PRRC2A: variants seen among roughly 807,000 people sequenced by gnomAD.
PRRC2A encodes proline rich coiled-coil 2A.
A neutral mutation model predicts 224.6 loss-of-function variants in PRRC2A; 59 were observed. The observed-to-expected ratio is 0.26, with a 90% CI of 0.21 to 0.33. The LOEUF is 0.33. PRRC2A is among the 10% of genes least tolerant of loss of function. The pLI is 1.00. For synonymous variants in PRRC2A, 1,194 were observed against 1,109.5 expected (o/e 1.08, Z -1.51); for missense variants, 3,095 against 2,880.7 (o/e 1.07, Z -1.70).
chr6:31,630,933 G>A, intron 15 of PRRC2A, 132 bp downstream of exon 15: 1 of 1,304,256 alleles, frequency 7.7e-7, no homozygotes, highest in East Asian at 2.5e-5. Context: ...GCTCATGCCT[G>A]TAATCCCAGC....
chr6:31,633,006 A>G lies in PRRC2A; in HGVS notation c.4319+14A>G. ...CAAGAACCGAAGGTGGGTAGGAACA[A>G]ACAAATTTATTGTGGTTTAAAAATT... is the stretch of plus-strand genomic sequence containing the variant. On this transcript the variant is annotated intron_variant, in intron 16 of 30. Transcript: ENST00000376033. 2 of 1,518,928 alleles carry G rather than the reference A, an allele frequency of 1.3e-6. No homozygotes were observed. Among genetic ancestry groups the G allele is most frequent in the African/African-American group, 1.4e-5 (1 of 71,718 alleles). The allele number at this position is 1,518,928 out of a possible 1,614,324, so 94.1% of individuals were successfully genotyped here.
rs1775635138 is a variant in PRRC2A, at chr6:31,624,245, C to T, written c.291-16C>T. 3 of 1,610,896 alleles carry T rather than the reference C, an allele frequency of 1.9e-6. No individual in the cohort carries two copies. Among genetic ancestry groups the T allele is most frequent in the Non-Finnish European group, 2.5e-6 (3 of 1,178,080 alleles). ...GCATCTCAGGTGTGAATAACCTTCC[C>T]ATTCTGTCCCCTCAGTTCCGATGCC... is the stretch of plus-strand genomic sequence containing the variant. On this transcript the variant is annotated splice_polypyrimidine_tract_variant and intron_variant, in intron 3 of 30. Coordinates refer to ENST00000376033, the MANE Select transcript of PRRC2A (RefSeq NM_004638.4).
Position 31,626,809 on chromosome 6 carries a change from G to T in PRRC2A, c.1020G>T (p.Lys340Asn). Reference protein sequence around the residue: ...HEEVDYTEKLKFSDEEDGRDS... With the variant: ...HEEVDYTEKLNFSDEEDGRDS... Reference sequence around the variant, plus strand: ...AGGTTGACTACACTGAAAAGCTCAAGTTCAGCGATGAGGAAGATGGGCGAG... The same window carrying T: ...AGGTTGACTACACTGAAAAGCTCAATTTCAGCGATGAGGAAGATGGGCGAG... The change falls in exon 10 of 31, where the codon AAG becomes AAT. Residue 340 changes from lysine to asparagine, a missense_variant. Physicochemically the swap from Lys to Asn is moderately conservative, Grantham distance 94. Around this residue, in one of 8 missense-constraint regions of PRRC2A, gnomAD observed 11 missense variants for 30.0 expected, o/e 0.37. Transcript: ENST00000376033. 6.3e-7 allele frequency: 1 copy of T among 1,595,710 alleles called. No homozygotes were observed. Among genetic ancestry groups the T allele is most frequent in the Non-Finnish European group, 8.5e-7 (1 of 1,171,442 alleles).
At chr6:31,621,767 C>G (rs767142100) in intron 1 of PRRC2A, among the ~76,000 whole-genome samples, 1 of 152,188 alleles carries the variant, frequency 6.6e-6, no homozygotes, top group Non-Finnish European at 1.5e-5. Flanking sequence ...ACACTGTTCC[C>G]GTCCATAAAC....
chr6:31,626,256 A>G, intron 9 of PRRC2A, 94 bp downstream of exon 9: 1 of 1,434,248 alleles, frequency 7.0e-7, no homozygotes, highest in Non-Finnish European at 9.5e-7. Flanking sequence ...AAAGGCAGAC[A>G]TTGAAGTGTA....
intron 16 of PRRC2A, 45 bp downstream of exon 16, chr6:31,633,037 A>G: frequency 6.9e-7 from 1 of 1,457,272 alleles, no homozygotes; most frequent in Non-Finnish European, 9.0e-7. Flanking sequence ...AAATTGGAGG[A>G]GGGGGAAAAA....
chr6:31,632,838 C>T lies in PRRC2A; in HGVS notation c.4165C>T (p.Arg1389Trp), dbSNP rs755623460. 12 of 1,613,110 alleles carry T rather than the reference C, an allele frequency of 7.4e-6. No homozygotes were observed. The highest frequency in any genetic ancestry group is 3.3e-5 in the Admixed American group (2 of 60,016). ...GAGTAAACGGAGCTTCTCAAGTCAG[C>T]GGCCAGGCATGGAACGGCAGAATCG... is the stretch of plus-strand genomic sequence containing the variant. Reference protein sequence around the residue: ...DLSKRSFSSQRPGMERQNRRP... With the variant: ...DLSKRSFSSQWPGMERQNRRP... The change falls in exon 16 of 31, where the codon CGG becomes TGG. Residue 1389 changes from arginine to tryptophan, a missense_variant. Transcript: ENST00000376033.
rs773753513 is a variant in PRRC2A, at chr6:31,634,960, C to G, written c.5143C>G (p.His1715Asp). The change falls in exon 21 of 31, where the codon CAC (histidine) becomes GAC (aspartate). Residue 1715 changes from histidine to aspartate, a missense_variant. By Grantham distance (81) the His-to-Asp change is moderately conservative (BLOSUM62 -1). Around this residue, in one of 8 missense-constraint regions of PRRC2A, gnomAD observed 662 missense variants for 609.5 expected, o/e 1.09. Transcript: ENST00000376033. The part of the protein sequence containing the change: ...EPPRRPPPAP[H>D]DGDRKELPRE... The stretch of plus-strand genomic sequence containing the variant: ...TCCTAGGAGACCACCACCTGCCCCC[C>G]ACGATGGGGACAGAAAGGTAAAAGA... The G allele has an allele frequency of 1.2e-6, 2 of 1,612,674 alleles. No homozygotes were observed. Among genetic ancestry groups the G allele is most frequent in the South Asian group, 1.1e-5 (1 of 91,074 alleles).
Position 31,629,275 on chromosome 6 carries a change from G to T in PRRC2A, c.1897G>T (p.Gly633Cys). 6.3e-7 allele frequency: 1 copy of T among 1,597,358 alleles called. No homozygotes were observed. Among genetic ancestry groups the T allele is most frequent in the Non-Finnish European group, 8.5e-7 (1 of 1,172,902 alleles). The change falls in exon 13 of 31, where the codon GGC becomes TGC. Residue 633 changes from glycine (G) to cysteine (C), a missense_variant. Physicochemically the swap from Gly to Cys is radical, Grantham distance 159. Around this residue, in one of 8 missense-constraint regions of PRRC2A, gnomAD observed 2,001 missense variants for 1,764.9 expected, o/e 1.13. Coordinates refer to ENST00000376033, the MANE Select transcript of PRRC2A (RefSeq NM_004638.4). ...IGPTRQPPSQ[G>C]LGYPKYQKSL... ...TCCCACCCGCCAGCCCCCTAGTCAG[G>T]GCTTGGGCTACCCCAAATATCAGAA...
In PRRC2A at chr6:31,637,607, A is replaced by AC; in HGVS notation, c.*26dup. ...GCTGAGGGAGTTCCTCTTGCCCCCTACCCCCGGGGCTTGTATATAGATTAT... is the reference window on the plus strand; with the variant it reads ...GCTGAGGGAGTTCCTCTTGCCCCCTACCCCCCGGGGCTTGTATATAGATTAT... On this transcript the variant is annotated 3_prime_UTR_variant, in exon 31 of 31. Coordinates refer to ENST00000376033, the MANE Select transcript of PRRC2A (RefSeq NM_004638.4). 2 of 1,152,678 alleles carry AC rather than the reference A, an allele frequency of 1.7e-6. No individual in the cohort carries two copies. The highest frequency in any genetic ancestry group is 2.0e-5 in the African/African-American group (1 of 49,838). 71.4% of individuals were successfully genotyped at this position (1,152,678 alleles called of 1,614,324 possible).
intron 9 of PRRC2A, 89 bp from the exon 10 acceptor site, chr6:31,626,683 G>A: frequency 2.6e-6 from 3 of 1,142,626 alleles, no homozygotes; most frequent in Non-Finnish European, 3.8e-6. Flanking sequence ...TATTGGCATT[G>A]GTAGTCCATC....
Position 31,625,533 on chromosome 6 carries a change from T to A in PRRC2A, c.681T>A (p.His227Gln), listed in dbSNP as rs749181456. Residue 227 changes from histidine to glutamine, a missense_variant, in exon 7 of 31, where the codon CAT (histidine) becomes CAA (glutamine). Transcript: ENST00000376033. The surrounding 1 kb of genome is among the most constrained non-coding windows in gnomAD (Gnocchi z 4.1). ...ELEGPDSKLH[H>Q]GHDPRGGLQP... ...AGGGCCCGGACTCCAAACTTCATCATGGTCATGATCCCCGGGGTGGGCTAC... is the reference window on the plus strand; with the variant it reads ...AGGGCCCGGACTCCAAACTTCATCAAGGTCATGATCCCCGGGGTGGGCTAC... 3 of 1,579,344 alleles carry A rather than the reference T, an allele frequency of 1.9e-6. No homozygotes were observed. The highest frequency in any genetic ancestry group is 1.7e-5 in the Admixed American group (1 of 57,476).
rs745366014 is a variant in PRRC2A, at chr6:31,627,964, T to C, written c.1490T>C (p.Phe497Ser). 2.5e-6 allele frequency: 4 copies of C among 1,612,992 alleles called. No individual in the cohort carries two copies. Among genetic ancestry groups the C allele is most frequent in the Non-Finnish European group, 2.5e-6 (3 of 1,180,008 alleles). ...AAGCTCAAGCGACTCGATGAAAAGT[T>C]TGGGGCACCTGACAAGCGGCTCAAA... ...AEKLKRLDEKFGAPDKRLKAE... is the reference protein window; with the variant it reads ...AEKLKRLDEKSGAPDKRLKAE... Residue 497 changes from phenylalanine (F) to serine (S), a missense_variant, in exon 12 of 31, where the codon TTT becomes TCT. Phe to Ser is a radical substitution (Grantham distance 155). This residue lies in a region of PRRC2A where 2,001 missense variants were observed against 1,764.9 expected (regional missense o/e 1.13). Transcript: ENST00000376033. The surrounding 1 kb of genome is among the most constrained non-coding windows in gnomAD (Gnocchi z 5.6).
Position 31,627,154 on chromosome 6 carries a change from C to T in PRRC2A, c.1246C>T (p.His416Tyr). ...PAPKPPLPPP[H>Y]RGPAGNWGPP... Reference sequence around the variant, plus strand: ...CCCAAAGCCTCCCCTACCCCCACCTCACCGGGGCCCCGCCGGGAACTGGGG... The same window carrying T: ...CCCAAAGCCTCCCCTACCCCCACCTTACCGGGGCCCCGCCGGGAACTGGGG... Residue 416 changes from histidine to tyrosine, a missense_variant, in exon 11 of 31, where the codon CAC becomes TAC. Coordinates refer to ENST00000376033, the MANE Select transcript of PRRC2A (RefSeq NM_004638.4). The surrounding 1 kb of genome is among the most constrained non-coding windows in gnomAD (Gnocchi z 5.6). 6.2e-7 allele frequency: 1 copy of T among 1,613,360 alleles called. No individual in the cohort carries two copies. Among genetic ancestry groups the T allele is most frequent in the Non-Finnish European group, 8.5e-7 (1 of 1,179,826 alleles).
Position 31,633,751 on chromosome 6 carries a change from G to A in PRRC2A, c.4588+104G>A, listed in dbSNP as rs747507176. The A allele has an allele frequency of 2.1e-5, 32 of 1,528,186 alleles. No homozygotes were observed. The East Asian group carries it at 6.6e-4, about 31-fold the overall frequency. The allele number at this position is 1,528,186 out of a possible 1,614,324, so 94.7% of individuals were successfully genotyped here. A position where few individuals can be genotyped will look rare whatever the true frequency, so the allele number is the denominator to read the frequency against. On this transcript the variant is annotated intron_variant, in intron 17 of 30. Coordinates refer to ENST00000376033, the MANE Select transcript of PRRC2A (RefSeq NM_004638.4). ...TGGCCTAGGGACCCTGCTGCTGGGT[G>A]CGTTTCTGCAGGGAGCAAGGGTAGA...
rs140216447 is a variant in PRRC2A, at chr6:31,632,140, G to C, written c.3467G>C (p.Arg1156Pro). 2.6e-6 allele frequency: 4 copies of C among 1,563,476 alleles called. No individual in the cohort carries two copies. Among genetic ancestry groups the C allele is most frequent in the Non-Finnish European group, 3.5e-6 (4 of 1,155,310 alleles). The change falls in exon 16 of 31, where the codon CGG becomes CCG. Residue 1156 changes from arginine (R) to proline (P), a missense_variant. Arg to Pro is a moderately radical substitution (Grantham distance 103). Around this residue, in one of 8 missense-constraint regions of PRRC2A, gnomAD observed 2,001 missense variants for 1,764.9 expected, o/e 1.13. Transcript: ENST00000376033. ...CCAGCCCCAGCCCGCTTCACTGCCCGGGGTGGGCGAGTCTTCACTCCCAGA... is the reference window on the plus strand; with the variant it reads ...CCAGCCCCAGCCCGCTTCACTGCCCCGGGTGGGCGAGTCTTCACTCCCAGA... Reference protein sequence around the residue: ...PSPAPARFTARGGRVFTPRGV... With the variant: ...PSPAPARFTAPGGRVFTPRGV...
In PRRC2A at chr6:31,635,258, G is replaced by C. The variant is rs1326245373; in HGVS notation, c.5287G>C (p.Gly1763Arg). 6.2e-7 allele frequency: 1 copy of C among 1,614,160 alleles called. No homozygotes were observed. The highest frequency in any genetic ancestry group is 1.7e-5 in the Admixed American group (1 of 60,018). Residue 1763 changes from glycine to arginine, a missense_variant, in exon 22 of 31, where the codon GGC (glycine) becomes CGC (arginine). Physicochemically the swap from Gly to Arg is moderately radical, Grantham distance 125. Coordinates refer to ENST00000376033, the MANE Select transcript of PRRC2A (RefSeq NM_004638.4). ...TCGACCTGGTCCCCCAGTCCAGTTT[G>C]GCACTAGTGACAAGGTCTGTGTGGG... ...SHRPGPPVQF[G>R]TSDKDSDLRL...
Position 31,629,736 on chromosome 6 carries a change from C to G in PRRC2A, c.2145C>G (p.Pro715=), listed in dbSNP as rs1298117180. ...CTCTGGGCCGGCCCCCACCCATGCCCCCAATGAACTTTGATCCCCGATGGA... is the reference window on the plus strand; with the variant it reads ...CTCTGGGCCGGCCCCCACCCATGCCGCCAATGAACTTTGATCCCCGATGGA... The part of the protein sequence containing the change: ...PGALGRPPPM[P]PMNFDPRWMM... Residue 715 remains proline (P), a synonymous_variant, in exon 14 of 31, where the codon CCC becomes CCG. Transcript: ENST00000376033. The G allele has an allele frequency of 3.1e-6, 5 of 1,611,088 alleles. No individual in the cohort carries two copies. Among genetic ancestry groups the G allele is most frequent in the Non-Finnish European group, 4.2e-6 (5 of 1,178,246 alleles).
In PRRC2A at chr6:31,631,730, T is replaced by C. The variant is rs1776611104; in HGVS notation, c.3057T>C (p.Gly1019=). 6.5e-7 allele frequency: 1 copy of C among 1,531,112 alleles called. No homozygotes were observed. The highest frequency in any genetic ancestry group is 8.8e-7 in the Non-Finnish European group (1 of 1,138,860). 94.8% of individuals were successfully genotyped at this position (1,531,112 alleles called of 1,614,324 possible). The stretch of plus-strand genomic sequence containing the variant: ...GGGACTATTCGTATGAAAGAGTGGG[T>C]CCTACCTCTTGCCGGGGTCGGGGCC... ...LRRDYSYERV[G]PTSCRGRGRG... The change falls in exon 16 of 31, where the codon GGT becomes GGC. Residue 1019 remains glycine, a synonymous_variant. Transcript: ENST00000376033. The surrounding 1 kb of genome is among the most constrained non-coding windows in gnomAD (Gnocchi z 4.5).
Sources: gnomAD v4.1 joint callset for allele counts (sites outside exome capture counted in the v4.1 genomes callset) on GRCh38, gnomAD v4.1.1 for gene constraint, gnomAD v4.1.1 regional missense constraint, Gnocchi (gnomAD v3.1) non-coding constraint, MANE v1.5 for transcripts, NCBI Gene and HGNC (gene_info 2026-07-23, HGNC 2026-07-21) for gene names.